The following LYN variants were observed in gnomAD, a reference collection of about 807,000 sequenced individuals.
The protein encoded by LYN is tyrosine-protein kinase Lyn.
Under a neutral mutation model 65.0 loss-of-function variants are expected in LYN, and 12 were observed. The ratio of observed to expected loss-of-function variants is 0.18; its 90% CI spans 0.12 to 0.30. The LOEUF (loss-of-function observed/expected upper bound fraction) is 0.30, where lower values mean the gene tolerates loss of function less well. LYN is among the 10% of genes least tolerant of loss of function. The probability of loss-of-function intolerance (pLI) is 1.00; values close to 1 mark genes in which losing one functional copy is unlikely to be tolerated. For missense variants in LYN, 380 were observed against 623.2 expected (o/e 0.61, Z 4.16); for synonymous variants, 222 against 221.2 (o/e 1.00, Z -0.03).
At chr8:55,964,967 G>T (rs933436304) in intron 8 of LYN, among the ~76,000 whole-genome samples, 6 of 151,944 alleles carry the variant, frequency 3.9e-5, no homozygotes, top group African/African-American at 1.5e-4. Flanking sequence ...CAGCTTTTGC[G>T]CACCAGGCAG....
In LYN at chr8:56,011,691, C is replaced by CT. The variant is rs1563334213; in HGVS notation, c.*1587dup. 1 of 193,374 alleles carries CT rather than the reference C, an allele frequency of 5.2e-6. No homozygotes were observed. The highest frequency in any genetic ancestry group is 1.1e-5 in the Non-Finnish European group (1 of 92,772). The allele number at this position is 193,374 out of a possible 1,614,324, so 12.0% of individuals were successfully genotyped here. On this transcript the variant is annotated 3_prime_UTR_variant, in exon 13 of 13. Transcript: ENST00000519728. ...TTAGAAGATGGGATAAAATATTCTACTTTTTTCTAAATTTTAACTTTGTTT... is the reference window on the plus strand; with the variant it reads ...TTAGAAGATGGGATAAAATATTCTACTTTTTTTCTAAATTTTAACTTTGTTT...
rs558542496 is a variant in LYN, at chr8:56,004,639, C to T, written c.1336+5090C>T. Among the ~76,000 whole-genome samples, 11 of 152,246 alleles carry T rather than the reference C, an allele frequency of 7.2e-5. No individual in the cohort carries two copies. In the South Asian group the frequency reaches 2.3e-3, roughly 32 times the overall value. ...AAATTCCCCATGCCTGCGGGTGCTC[C>T]TCAAAGTAATCTACTTTTGGGAATT... On this transcript the variant is annotated intron_variant, in intron 12 of 12. Transcript: ENST00000519728.
intron 1 of LYN, among the ~76,000 whole-genome samples, chr8:55,919,273 T>G (rs1210780279): frequency 6.6e-6 from 1 of 151,522 alleles, no homozygotes; most frequent in Non-Finnish European, 1.5e-5. Flanking sequence ...AGAGAAAGAG[T>G]GGAGAGGGAA....
intron 1 of LYN, among the ~76,000 whole-genome samples, chr8:55,902,566 G>A (rs1489686051): frequency 2.7e-5 from 4 of 149,652 alleles, no homozygotes; most frequent in Non-Finnish European, 5.9e-5. Context: ...ACACAGTCAT[G>A]TACCACATTA....
chr8:55,882,167 T>C (rs1349969713), intron 1 of LYN, among the ~76,000 whole-genome samples: 1 of 152,178 alleles, frequency 6.6e-6, no homozygotes, highest in Non-Finnish European at 1.5e-5. Context: ...GAGGTCCTGA[T>C]GTGGGGTGGT....
intron 1 of LYN, among the ~76,000 whole-genome samples, chr8:55,888,679 C>T (rs1418484693): frequency 1.3e-5 from 2 of 152,142 alleles, no homozygotes; most frequent in Admixed American, 6.5e-5. Flanking sequence ...GTACTTGACA[C>T]CTCCCCTAAG....
At chr8:55,973,008 A>G (rs1249804300) in intron 10 of LYN, among the ~76,000 whole-genome samples, 1 of 152,212 alleles carries the variant, frequency 6.6e-6, no homozygotes, top group East Asian at 1.9e-4. Flanking sequence ...GATTGTCACA[A>G]TGAGAGATTG....
intron 1 of LYN, among the ~76,000 whole-genome samples, chr8:55,896,827 C>A (rs1381903135): frequency 6.6e-6 from 1 of 152,128 alleles, no homozygotes; most frequent in East Asian, 1.9e-4. Flanking sequence ...CAACCTCTGC[C>A]TTCCGGGTTC....
chr8:55,982,587 C>T (rs1367142858), intron 10 of LYN, among the ~76,000 whole-genome samples: 1 of 152,170 alleles, frequency 6.6e-6, no homozygotes, highest in South Asian at 2.1e-4. Context: ...GCCAGTCTGA[C>T]TCACTTCACT....
chr8:55,911,098 T>TATATATACACACACAC, intron 1 of LYN, among the ~76,000 whole-genome samples: 1 of 11,686 alleles, frequency 8.6e-5, no homozygotes, highest in African/African-American at 3.4e-4. Context: ...TATATATATA[T>TATATATACACACACAC]ACATACACGT....
intron 1 of LYN, among the ~76,000 whole-genome samples, chr8:55,888,310 G>A (rs1203708848): frequency 6.6e-6 from 1 of 152,178 alleles, no homozygotes; most frequent in African/African-American, 2.4e-5. Flanking sequence ...CATTACCAGA[G>A]CTTGTTCCAG....
chr8:55,962,891 G>A (rs1165197907), intron 8 of LYN, among the ~76,000 whole-genome samples: 2 of 152,232 alleles, frequency 1.3e-5, no homozygotes, highest in African/African-American at 4.8e-5. Flanking sequence ...GCAAAAGGGA[G>A]TGAGCATGTC....
chr8:55,899,497 G>A lies in LYN; in HGVS notation c.-6+19394G>A, dbSNP rs116670765. ...AAACGCAGGAATAAGACCACTTCTG[G>A]GAAATGTATAATAAATATAATGCAG... On this transcript the variant is annotated intron_variant, in intron 1 of 12. Coordinates refer to ENST00000519728, the MANE Select transcript of LYN (RefSeq NM_002350.4). Among the ~76,000 whole-genome samples, 939 of 152,258 alleles carry A rather than the reference G, an allele frequency of 6.2e-3. 9 individuals are homozygous for A. The highest frequency in any genetic ancestry group is 0.021 in the African/African-American group (890 of 41,552).
At chr8:55,912,664 TTGCAG>T (rs1805670310) in intron 1 of LYN, among the ~76,000 whole-genome samples, 1 of 151,256 alleles carries the variant, frequency 6.6e-6, no homozygotes. Flanking sequence ...GAGGCAGAGG[TTGCAG>T]TGAGCCGAGA....
rs555786069 is a variant in LYN, at chr8:55,935,735, C to T, written c.-5-6120C>T. ...GGCAGAGGTTGCAGTGAGCCGAGAT[C>T]GCACCACTGCACTCCAGCCTGGGCA... On this transcript the variant is annotated intron_variant, in intron 1 of 12. Coordinates refer to ENST00000519728, the MANE Select transcript of LYN (RefSeq NM_002350.4). 1.5e-3 allele frequency among the ~76,000 whole-genome samples: 227 copies of T among 148,694 alleles called. 1 individual carries two copies. The highest frequency in any genetic ancestry group is 5.1e-3 in the African/African-American group (206 of 40,142).
chr8:55,935,502 A>G (rs1806402566), intron 1 of LYN, among the ~76,000 whole-genome samples: 1 of 152,164 alleles, frequency 6.6e-6, no homozygotes, highest in Admixed American at 6.5e-5. Context: ...TGCTGGGTGC[A>G]GTGGCTCACG....
intron 10 of LYN, among the ~76,000 whole-genome samples, chr8:55,987,359 G>T (rs1351733514): frequency 6.7e-6 from 1 of 149,278 alleles, no homozygotes; most frequent in East Asian, 2.0e-4. Context: ...AGTGAGCCAA[G>T]ATCAGGCACT....
At chr8:55,944,583 C>A (rs145892018) in intron 2 of LYN, among the ~76,000 whole-genome samples, 412 of 152,314 alleles carry the variant, frequency 2.7e-3, no homozygotes, top group Non-Finnish European at 4.5e-3. Context: ...TGAGTTCAAG[C>A]GATTCTCCTG....
At chr8:55,942,201 G>A (rs895728691) in intron 2 of LYN, among the ~76,000 whole-genome samples, 2 of 151,488 alleles carry the variant, frequency 1.3e-5, no homozygotes, top group African/African-American at 2.4e-5. Context: ...AATTAAAAGG[G>A]CCTTTGGTCA....
Sources: gnomAD v4.1 joint callset for allele counts (sites outside exome capture counted in the v4.1 genomes callset) on GRCh38, gnomAD v4.1.1 for gene constraint, MANE v1.5 for transcripts, NCBI Gene and HGNC (gene_info 2026-07-23, HGNC 2026-07-21) for gene names.